Variants in RBFOX1 observed in about 807,000 individuals in gnomAD.
The protein encoded by RBFOX1 is RNA binding fox-1 homolog 1.
A neutral mutation model predicts 57.7 loss-of-function variants in RBFOX1; 8 were observed. The ratio of observed to expected loss-of-function variants is 0.14; its 90% CI spans 0.08 to 0.25. RBFOX1 has a LOEUF of 0.25. Ranked by LOEUF, RBFOX1 falls within the 10% of genes least tolerant of loss-of-function variation. The pLI, the probability that RBFOX1 is intolerant of heterozygous loss-of-function variation, is 1.00. For missense variants in RBFOX1, 611 were observed against 548.5 expected (o/e 1.11, Z -1.14); for synonymous variants, 326 against 222.4 (o/e 1.47, Z -4.15).
chr16:6,230,260 G>A (rs992741134), intron 1 of RBFOX1, among the ~76,000 whole-genome samples: 4 of 151,988 alleles, frequency 2.6e-5, no homozygotes, highest in Non-Finnish European at 4.4e-5. Flanking sequence ...CACCAATCTC[G>A]ATTGGACACT....
chr16:6,442,561 A>G (rs1971021), intron 2 of RBFOX1, among the ~76,000 whole-genome samples: 1,889 of 135,902 alleles, frequency 0.014, 19 homozygotes, highest in Non-Finnish European at 0.022. Flanking sequence ...AAAATAAAAA[A>G]AAAAGAAAAG....
intron 13 of RBFOX1, among the ~76,000 whole-genome samples, chr16:7,675,042 A>C (rs149132326): frequency 1.3e-5 from 2 of 152,150 alleles, no homozygotes; most frequent in Middle Eastern, 3.2e-3. Flanking sequence ...CTCTCCACTC[A>C]AAACTTTAAG....
At chr16:7,242,471 G>A (rs2094114931) in intron 4 of RBFOX1, among the ~76,000 whole-genome samples, 1 of 152,104 alleles carries the variant, frequency 6.6e-6, no homozygotes, top group African/African-American at 2.4e-5. Flanking sequence ...TTCACCACTT[G>A]TTGAATTTAT....
chr16:7,704,067 C>G (rs1000036372), intron 14 of RBFOX1, among the ~76,000 whole-genome samples: 2 of 152,158 alleles, frequency 1.3e-5, no homozygotes, highest in Admixed American at 6.5e-5. Flanking sequence ...AGTCAGAAAA[C>G]TACTGCTTTA....
In RBFOX1 at chr16:5,248,938, A is replaced by T. The variant is rs1269930318; in HGVS notation, c.219+8833A>T. Among the ~76,000 whole-genome samples, 3 of 133,590 alleles carry T rather than the reference A, an allele frequency of 2.2e-5. No individual in the cohort carries two copies. In the East Asian group the frequency reaches 7.8e-4, roughly 35 times the overall value. 87.6% of individuals were successfully genotyped at this position (133,590 alleles called of 152,430 possible). ...GGGAGGTGGAGGTTGCAGTGAGCTG[A>T]GATTGTGCCAGTGCACTCCAGCCTG... On this transcript the variant is annotated intron_variant, in intron 1 of 2. Coordinates refer to the RBFOX1 transcript ENST00000585867.
chr16:7,367,734 T>A (rs1172962113), intron 4 of RBFOX1, among the ~76,000 whole-genome samples: 1 of 152,208 alleles, frequency 6.6e-6, no homozygotes, highest in Non-Finnish European at 1.5e-5. Context: ...GCTGCAGTCA[T>A]TTTTTTCAAT....
At chr16:6,612,601 C>T (rs2098078168) in intron 2 of RBFOX1, among the ~76,000 whole-genome samples, 1 of 151,988 alleles carries the variant, frequency 6.6e-6, no homozygotes, top group African/African-American at 2.4e-5. Context: ...CCTGTAATCC[C>T]AGCACTTTGG....
chr16:7,304,332 A>T, intron 4 of RBFOX1: 1 of 985,264 alleles, frequency 1.0e-6, no homozygotes, highest in Non-Finnish European at 1.2e-6. Flanking sequence ...GCAGAGAGCA[A>T]CGTGATTGCA....
rs778479206 is a variant in RBFOX1, at chr16:6,338,943, G to A, written c.-64+21886G>A. Among the ~76,000 whole-genome samples the A allele has an allele frequency of 3.0e-4, 46 of 152,274 alleles. No individual in the cohort carries two copies. In the Middle Eastern group the frequency reaches 0.01, roughly 34 times the overall value. On this transcript the variant is annotated intron_variant, in intron 2 of 15. Coordinates refer to ENST00000550418, the MANE Select transcript of RBFOX1 (RefSeq NM_018723.4). ...AGGAGAATGAAATGGGAAGGGGTGA[G>A]GGGTGGCATAGCTCTAGGAGACTGG...
intron 4 of RBFOX1, among the ~76,000 whole-genome samples, chr16:7,362,364 C>T (rs988693742): frequency 4.7e-4 from 69 of 148,106 alleles, no homozygotes; most frequent in Non-Finnish European, 6.0e-5. Flanking sequence ...TGTGTGTATG[C>T]TAGTGTGTGT....
At chr16:7,282,763 C>T (rs142582587) in intron 4 of RBFOX1, among the ~76,000 whole-genome samples, 1 of 152,174 alleles carries the variant, frequency 6.6e-6, no homozygotes, top group Non-Finnish European at 1.5e-5. Context: ...CCCCAAAGTC[C>T]ACTGTGTCAT....
At chr16:7,521,467 T>C (rs938844054) in intron 5 of RBFOX1, among the ~76,000 whole-genome samples, 1 of 152,124 alleles carries the variant, frequency 6.6e-6, no homozygotes, top group East Asian at 1.9e-4. Flanking sequence ...TTTAATCTAG[T>C]TGGGGAGCTG....
intron 3 of RBFOX1, among the ~76,000 whole-genome samples, chr16:6,810,792 C>G (rs2088322124): frequency 6.6e-6 from 1 of 152,104 alleles, no homozygotes; most frequent in Non-Finnish European, 1.5e-5. Context: ...ACCATCAGAT[C>G]TCGCCAGAAG....
chr16:6,175,669 G>A (rs1310612510), intron 1 of RBFOX1, among the ~76,000 whole-genome samples: 5 of 152,160 alleles, frequency 3.3e-5, no homozygotes, highest in Non-Finnish European at 7.3e-5. Context: ...GTAAAATATA[G>A]ATTTGGATTC....
intron 4 of RBFOX1, among the ~76,000 whole-genome samples, chr16:7,179,466 G>A (rs560728885): frequency 7.9e-5 from 12 of 152,098 alleles, no homozygotes; most frequent in East Asian, 3.9e-4. Flanking sequence ...ACTGATTTAC[G>A]GTTCACCAAA....
At chr16:7,541,824 GA>G (rs758731823) in intron 5 of RBFOX1, among the ~76,000 whole-genome samples, 1 of 152,206 alleles carries the variant, frequency 6.6e-6, no homozygotes, top group Non-Finnish European at 1.5e-5. Flanking sequence ...TGGGTGTCAT[GA>G]GGATGAAGTG....
At chr16:7,430,045 C>T (rs974586901) in intron 4 of RBFOX1, among the ~76,000 whole-genome samples, 6 of 152,146 alleles carry the variant, frequency 3.9e-5, no homozygotes, top group African/African-American at 1.4e-4. Context: ...TAACATGATT[C>T]TTCACAGAGA....
intron 1 of RBFOX1, among the ~76,000 whole-genome samples, chr16:5,454,968 T>G (rs529512239): frequency 1.3e-5 from 1 of 74,764 alleles, no homozygotes. Flanking sequence ...CCTTTCTTTC[T>G]TTCTTTCTTT....
At position 6,853,731 on chromosome 16, in the gene RBFOX1, A is replaced by C. The variant is rs112612816; in HGVS notation, c.-15-198326A>C. 5.3e-5 allele frequency among the ~76,000 whole-genome samples: 8 copies of C among 152,222 alleles called. 1 individual carries two copies. The highest frequency in any genetic ancestry group is 1.7e-4 in the African/African-American group (7 of 41,534). ...GATTCGTTTACCAGTAGACAATGTG[A>C]TTGGGATAATGCGCCTCACTGTGCG... On this transcript the variant is annotated intron_variant, in intron 3 of 15. Transcript: ENST00000550418.
Sources: allele counts gnomAD v4.1 joint callset (sites outside exome capture counted in the v4.1 genomes callset), GRCh38; gene constraint gnomAD v4.1.1; transcripts MANE v1.5; gene names NCBI Gene and HGNC (gene_info 2026-07-23, HGNC 2026-07-21).